The following EHMT1 variants were observed in gnomAD, a reference collection of about 807,000 sequenced individuals.
EHMT1 encodes the protein euchromatic histone lysine methyltransferase 1, also known as histone-lysine N-methyltransferase EHMT1.
A neutral mutation model predicts 147.2 loss-of-function variants in EHMT1; 15 were observed. The observed-to-expected ratio is 0.10, with a 90% CI of 0.07 to 0.16. The LOEUF (loss-of-function observed/expected upper bound fraction) is 0.16. Among genes scored for constraint, EHMT1 ranks in the 10% least tolerant of loss-of-function variants. The probability of loss-of-function intolerance (pLI) is 1.00; values close to 1 mark genes in which losing one functional copy is unlikely to be tolerated. For missense variants in EHMT1, 1,587 were observed against 1,772.4 expected (o/e 0.90, Z 1.88); for synonymous variants, 795 against 709.6 (o/e 1.12, Z -1.91).
At chr9:137,675,823 G>A (rs1172684162) in intron 1 of EHMT1, among the ~76,000 whole-genome samples, 4 of 117,092 alleles carry the variant, frequency 3.4e-5, no homozygotes, top group African/African-American at 1.5e-4. Context: ...TCGCTCTGTC[G>A]CCCAGGCTGG....
rs1193260737 is a variant in EHMT1, at chr9:137,716,708, G to A, written c.168G>A (p.Gly56=). The change falls in exon 3 of 27, where the codon GGG becomes GGA. Residue 56 remains glycine, a synonymous_variant. Transcript: ENST00000460843. ...TGGCTGCGGACGGTGAGACCAATGGGTCTTGTGAAAACAGCGATGCCAGCA... is the reference window on the plus strand; with the variant it reads ...TGGCTGCGGACGGTGAGACCAATGGATCTTGTGAAAACAGCGATGCCAGCA... ...AHMAADGETN[G]SCENSDASSH... The A allele has an allele frequency of 6.2e-7, 1 of 1,611,470 alleles. No homozygotes were observed. The highest frequency in any genetic ancestry group is 1.7e-5 in the Admixed American group (1 of 59,942).
rs553854416 is a variant in EHMT1, at chr9:137,681,874, C to G, written c.22-29093C>G. 2.0e-5 allele frequency among the ~76,000 whole-genome samples: 3 copies of G among 152,268 alleles called. No homozygotes were observed. In the South Asian group the frequency reaches 6.2e-4, roughly 32 times the overall value. On this transcript the variant is annotated intron_variant, in intron 1 of 26. Transcript: ENST00000460843. ...TGGAAAGTTTGCAGTGTGTCTGGTA[C>G]GTAAGCGTGAGGCGGGTCACTGATG...
At chr9:137,821,758 G>C (rs1199918697) in intron 25 of EHMT1, among the ~76,000 whole-genome samples, 1 of 152,114 alleles carries the variant, frequency 6.6e-6, no homozygotes, top group Admixed American at 6.5e-5. Flanking sequence ...GTCAGGTTAG[G>C]GAAAAATGAG....
intron 3 of EHMT1, among the ~76,000 whole-genome samples, chr9:137,722,882 G>A (rs145863065): frequency 0.022 from 3,327 of 150,970 alleles, 38 homozygotes; most frequent in Non-Finnish European, 0.036. Context: ...GCCTGAGCCC[G>A]GGGTGTGTCT....
intron 10 of EHMT1, among the ~76,000 whole-genome samples, chr9:137,766,974 C>T (rs990950015): frequency 6.6e-6 from 1 of 152,114 alleles, no homozygotes; most frequent in African/African-American, 2.4e-5. Context: ...TGCAACACCA[C>T]GCCCAGCTAA....
At chr9:137,665,667 G>A (rs925053274) in intron 1 of EHMT1, among the ~76,000 whole-genome samples, 31 of 152,192 alleles carry the variant, frequency 2.0e-4, no homozygotes, top group African/African-American at 7.0e-4. Flanking sequence ...GAGGCCCTAC[G>A]AGCAGTGATT....
At chr9:137,717,374 G>T in intron 3 of EHMT1, 192 bp downstream of exon 3, 1 of 757,340 alleles carries the variant, frequency 1.3e-6, no homozygotes, top group East Asian at 2.7e-5. Flanking sequence ...AGGCTGAGGC[G>T]GGTGGATTGC....
chr9:137,752,511 C>A, intron 7 of EHMT1, 103 bp downstream of exon 7: 1 of 1,361,538 alleles, frequency 7.3e-7, no homozygotes, highest in Non-Finnish European at 1.0e-6. Flanking sequence ...TGCCTGAGCG[C>A]TCACCCATGT....
At chr9:137,741,413 C>T (rs549686164) in intron 4 of EHMT1, among the ~76,000 whole-genome samples, 197 of 152,292 alleles carry the variant, frequency 1.3e-3, no homozygotes, top group African/African-American at 4.2e-3. Flanking sequence ...CAAACGTCAG[C>T]GCCTTTGTGG....
In EHMT1 at chr9:137,776,660, C is replaced by T. The variant is rs1458836727; in HGVS notation, c.1834C>T (p.Arg612Cys). The change falls in exon 12 of 27, where the codon CGT becomes TGT. Residue 612 changes from arginine (R) to cysteine (C), a missense_variant. By Grantham distance (180) the Arg-to-Cys change is radical (BLOSUM62 -3). Coordinates refer to ENST00000460843, the MANE Select transcript of EHMT1 (RefSeq NM_024757.5). The surrounding 1 kb of genome is among the most constrained non-coding windows in gnomAD (Gnocchi z 4.4). ...TCAGCCCGAGAGCAGCATCTCTCAC[C>T]GTTTCCACAAAGACTGTGCCTCTCG... ...ECQPESSISH[R>C]FHKDCASRVN... 1.2e-6 allele frequency: 2 copies of T among 1,614,140 alleles called. No individual in the cohort carries two copies. The highest frequency in any genetic ancestry group is 1.7e-6 in the Non-Finnish European group (2 of 1,180,038).
At chr9:137,724,323 C>T (rs1411463762) in intron 3 of EHMT1, among the ~76,000 whole-genome samples, 1 of 152,158 alleles carries the variant, frequency 6.6e-6, no homozygotes, top group East Asian at 1.9e-4. Flanking sequence ...GGGCCTCCCG[C>T]CCCCACAGGA....
chr9:137,624,947 A>G (rs1189457120), intron 1 of EHMT1, among the ~76,000 whole-genome samples: 1 of 148,902 alleles, frequency 6.7e-6, no homozygotes, highest in Non-Finnish European at 1.5e-5. Flanking sequence ...CAGTGACGCG[A>G]TTGGGTTCAC....
chr9:137,811,113 A>G (rs764773189), intron 18 of EHMT1, among the ~76,000 whole-genome samples: 3 of 152,212 alleles, frequency 2.0e-5, no homozygotes, highest in Non-Finnish European at 2.9e-5. Flanking sequence ...TTAAAAATAC[A>G]TGAAAGAAAA....
At chr9:137,818,211 G>T in intron 25 of EHMT1, 73 bp downstream of exon 25, 2 of 1,505,496 alleles carry the variant, frequency 1.3e-6, no homozygotes, top group Admixed American at 1.7e-5. Flanking sequence ...TGTCCCAGTA[G>T]GGCTGGGATT....
intron 8 of EHMT1, among the ~76,000 whole-genome samples, chr9:137,754,622 C>T (rs1291395670): frequency 6.6e-6 from 1 of 152,118 alleles, no homozygotes; most frequent in Non-Finnish European, 1.5e-5. Context: ...AGGCGATCAT[C>T]CTACCTCATC....
rs1023597723 is a variant in EHMT1, at chr9:137,822,987, G to C, written c.3540+4849G>C. 7.9e-5 allele frequency among the ~76,000 whole-genome samples: 12 copies of C among 152,022 alleles called. No homozygotes were observed. In the East Asian group the frequency reaches 2.3e-3, roughly 30 times the overall value. On this transcript the variant is annotated intron_variant, in intron 25 of 26. Transcript: ENST00000460843. ...CTCTTGTCGCCCAGGCTGGAATGCA[G>C]TGGCACAATCTCGGCTCACTGCAAC...
intron 6 of EHMT1, among the ~76,000 whole-genome samples, chr9:137,750,336 C>A (rs115664680): frequency 6.6e-6 from 1 of 152,174 alleles, no homozygotes; most frequent in Non-Finnish European, 1.5e-5. Context: ...GTTCTCCACA[C>A]GTGGGTTGTC....
intron 18 of EHMT1, among the ~76,000 whole-genome samples, chr9:137,810,435 C>T (rs940404296): frequency 1.3e-5 from 2 of 152,218 alleles, no homozygotes; most frequent in African/African-American, 2.4e-5. Flanking sequence ...GCTGTTTTAT[C>T]CCTGGGGCGA....
chr9:137,679,658 A>G (rs1941747058), intron 1 of EHMT1, among the ~76,000 whole-genome samples: 1 of 152,124 alleles, frequency 6.6e-6, no homozygotes, highest in East Asian at 1.9e-4. Context: ...TTTTTAAAAA[A>G]CTGATTTGTA....
Sources: allele counts gnomAD v4.1 joint callset (sites outside exome capture counted in the v4.1 genomes callset), GRCh38; gene constraint gnomAD v4.1.1; non-coding constraint Gnocchi (gnomAD v3.1); transcripts MANE v1.5; gene names NCBI Gene and HGNC (gene_info 2026-07-23, HGNC 2026-07-21).